The following SESTD1 variants were observed in gnomAD, a reference collection of about 807,000 sequenced individuals.
SESTD1 encodes SEC14 and spectrin domain containing 1.
SESTD1 carries 43 observed loss-of-function variants against 101.7 expected under a neutral mutation model. That is an observed-to-expected ratio of 0.42 (90% CI 0.33 to 0.55). SESTD1 has a LOEUF of 0.55. Ranked by LOEUF, SESTD1 falls within the 20% of genes least tolerant of loss-of-function variation. The pLI is 0.07. For missense variants in SESTD1, 647 were observed against 815.1 expected (o/e 0.79, Z 2.51); for synonymous variants, 283 against 286.8 (o/e 0.99, Z 0.13).
At chr2:179,121,983 C>A in intron 12 of SESTD1, 54 bp from the exon 13 acceptor site, 1 of 1,518,112 alleles carries the variant, frequency 6.6e-7, no homozygotes, top group Non-Finnish European at 8.8e-7. Flanking sequence ...CGCTTTCCCT[C>A]CCTCAAACAA....
intron 4 of SESTD1, chr2:179,174,390 CCATT>C (rs2045974836): frequency 2.2e-6 from 1 of 457,482 alleles, no homozygotes; most frequent in African/African-American, 2.0e-5. Context: ...ATTAAATCAT[CCATT>C]GATTGTTCTT....
chr2:179,134,332 T>C (rs1187076775), intron 9 of SESTD1, among the ~76,000 whole-genome samples: 2 of 152,212 alleles, frequency 1.3e-5, no homozygotes, highest in Admixed American at 1.3e-4. Context: ...CACTTGGCTA[T>C]TGTTATTATA....
At chr2:179,144,332 T>G (rs2045349485) in intron 8 of SESTD1, among the ~76,000 whole-genome samples, 1 of 152,050 alleles carries the variant, frequency 6.6e-6, no homozygotes, top group Admixed American at 6.5e-5. Flanking sequence ...AATGAATGAT[T>G]AAAGGGAGAA....
At chr2:179,124,095 C>G (rs2044814465) in intron 11 of SESTD1, among the ~76,000 whole-genome samples, 1 of 151,966 alleles carries the variant, frequency 6.6e-6, no homozygotes, top group Non-Finnish European at 1.5e-5. Flanking sequence ...AGTTATAAAG[C>G]ATAAACATTG....
chr2:179,112,741 T>G lies in SESTD1; in HGVS notation c.1944A>C (p.Pro648=). 6.2e-7 allele frequency: 1 copy of G among 1,612,500 alleles called. No homozygotes were observed. The highest frequency in any genetic ancestry group is 8.5e-7 in the Non-Finnish European group (1 of 1,179,878). The change falls in exon 17 of 18, where the codon CCA becomes CCC. Residue 648 remains proline, a synonymous_variant. Coordinates refer to ENST00000428443, the MANE Select transcript of SESTD1 (RefSeq NM_178123.5). ...CCCCATACCCATCAGGATAAACTAC[T>G]GGAACAGTTAATCTATCCAAAAGTG... ...GKSLLDRLTV[P]VVYPDGTEQY...
intron 9 of SESTD1, among the ~76,000 whole-genome samples, chr2:179,139,063 G>A (rs2045220208): frequency 1.3e-5 from 2 of 151,814 alleles, no homozygotes; most frequent in Admixed American, 6.6e-5. Flanking sequence ...CTCTGAATAT[G>A]CACACAGCTT....
At chr2:179,190,096 A>G (rs1487786060) in intron 2 of SESTD1, among the ~76,000 whole-genome samples, 1 of 152,218 alleles carries the variant, frequency 6.6e-6, no homozygotes, top group Non-Finnish European at 1.5e-5. Flanking sequence ...TAGCTACAGC[A>G]ATTCTAAGCA....
chr2:179,168,363 T>C (rs1173805053), intron 5 of SESTD1, among the ~76,000 whole-genome samples: 1 of 152,282 alleles, frequency 6.6e-6, no homozygotes, highest in East Asian at 1.9e-4. Context: ...TAATTGACTG[T>C]TTATGTAATT....
chr2:179,262,165 C>T (rs1428786683), intron 1 of SESTD1, among the ~76,000 whole-genome samples: 1 of 152,052 alleles, frequency 6.6e-6, no homozygotes, highest in Non-Finnish European at 1.5e-5. Flanking sequence ...TAGGCAAATC[C>T]ATAGAGACAT....
At position 179,151,260 on chromosome 2, in the gene SESTD1, T is replaced by A. The variant is rs756597342; in HGVS notation, c.483+18A>T. The A allele has an allele frequency of 6.9e-7, 1 of 1,455,648 alleles. No homozygotes were observed. Among genetic ancestry groups the A allele is most frequent in the South Asian group, 1.4e-5 (1 of 73,246 alleles). 90.2% of individuals were successfully genotyped at this position (1,455,648 alleles called of 1,614,324 possible). ...TATTTCTATGCAATAACATTTTATC[T>A]CATTGTAATATACCAACCAGCCTCT... On this transcript the variant is annotated intron_variant, in intron 6 of 17. Transcript: ENST00000428443.
At chr2:179,244,410 G>T (rs2047200534) in intron 1 of SESTD1, among the ~76,000 whole-genome samples, 1 of 149,874 alleles carries the variant, frequency 6.7e-6, no homozygotes, top group African/African-American at 2.5e-5. Flanking sequence ...AGTGAGCCGA[G>T]ATCACACCAC....
At chr2:179,146,904 GGTGTGTGTGTGTGTGTGT>G (rs71023470) in intron 7 of SESTD1, among the ~76,000 whole-genome samples, 13 of 145,418 alleles carry the variant, frequency 8.9e-5, no homozygotes, top group African/African-American at 3.2e-4. Flanking sequence ...ATATTCCAGG[GGTGTGTGTGTGTGTGTGT>G]GTGTGTGTGT....
intron 6 of SESTD1, among the ~76,000 whole-genome samples, 188 bp from the exon 7 acceptor site, chr2:179,149,582 G>T (rs889484503): frequency 6.6e-6 from 1 of 152,084 alleles, no homozygotes; most frequent in African/African-American, 2.4e-5. Flanking sequence ...CTAAAGCAAT[G>T]AATAGTTTCA....
intron 8 of SESTD1, among the ~76,000 whole-genome samples, chr2:179,144,119 TA>T (rs1344501730): frequency 6.6e-6 from 1 of 151,968 alleles, no homozygotes; most frequent in Non-Finnish European, 1.5e-5. Flanking sequence ...ATACGGTTTA[TA>T]TTTTTTTTTA....
rs1234542753 is a variant in SESTD1, at chr2:179,264,794, C to G, written c.-321G>C. On this transcript the variant is annotated 5_prime_UTR_variant, in exon 1 of 18. Coordinates refer to ENST00000428443, the MANE Select transcript of SESTD1 (RefSeq NM_178123.5). ...CGCGACCCCGCGCGCGCCCGGGTGA[C>G]GGCGGTACAGCAACCCGCCCGGCGC... The G allele has an allele frequency of 6.6e-6, 1 of 151,482 alleles. No individual in the cohort carries two copies. Among genetic ancestry groups the G allele is most frequent in the Admixed American group, 6.6e-5 (1 of 15,192 alleles). 9.4% of individuals were successfully genotyped at this position (151,482 alleles called of 1,614,324 possible). A position where few individuals can be genotyped will look rare whatever the true frequency, so the allele number is the denominator to read the frequency against.
At chr2:179,136,093 C>A (rs2045136695) in intron 9 of SESTD1, among the ~76,000 whole-genome samples, 1 of 152,144 alleles carries the variant, frequency 6.6e-6, no homozygotes, top group Non-Finnish European at 1.5e-5. Flanking sequence ...AAAGCCCTAG[C>A]CATGATTCTG....
At position 179,106,818 on chromosome 2, in the gene SESTD1, A is replaced by G. The variant is rs2044392541; in HGVS notation, c.*3081T>C. The G allele has an allele frequency of 6.6e-6, 1 of 152,124 alleles. No individual in the cohort carries two copies. The highest frequency in any genetic ancestry group is 2.1e-4 in the South Asian group (1 of 4,822). 9.4% of individuals were successfully genotyped at this position (152,124 alleles called of 1,614,324 possible). A position where few individuals can be genotyped will look rare whatever the true frequency, so the allele number is the denominator to read the frequency against. On this transcript the variant is annotated 3_prime_UTR_variant, in exon 18 of 18. Coordinates refer to ENST00000428443, the MANE Select transcript of SESTD1 (RefSeq NM_178123.5). ...AACAATGAGGACTGGGAACAAAGCC[A>G]ATTTGACCTAAAATGAAGTCATCAT...
At chr2:179,118,664 T>C (rs940133014) in intron 13 of SESTD1, among the ~76,000 whole-genome samples, 8 of 152,216 alleles carry the variant, frequency 5.3e-5, no homozygotes, top group Non-Finnish European at 1.0e-4. Context: ...AATTATTTTT[T>C]AAATATGAAA....
At chr2:179,220,092 T>A (rs1470247572) in intron 1 of SESTD1, among the ~76,000 whole-genome samples, 1 of 145,914 alleles carries the variant, frequency 6.9e-6, no homozygotes, top group Non-Finnish European at 1.5e-5. Context: ...TATACTATAT[T>A]TAAAATTCAA....
Sources: gnomAD v4.1 joint callset for allele counts (sites outside exome capture counted in the v4.1 genomes callset) on GRCh38, gnomAD v4.1.1 for gene constraint, MANE v1.5 for transcripts, NCBI Gene and HGNC (gene_info 2026-07-23, HGNC 2026-07-21) for gene names.